TNFRSF19: variants seen among roughly 807,000 people sequenced by gnomAD.
TNFRSF19 encodes the protein TNF receptor superfamily member 19.
Under a neutral mutation model 46.4 loss-of-function variants are expected in TNFRSF19, and 27 were observed. The ratio of observed to expected loss-of-function variants is 0.58; its 90% CI spans 0.43 to 0.80. The LOEUF (loss-of-function observed/expected upper bound fraction) is 0.80, where lower values mean the gene tolerates loss of function less well. TNFRSF19 is among the 30% of genes least tolerant of loss of function. TNFRSF19 has a pLI of 0.00. For synonymous variants in TNFRSF19, 204 were observed against 205.0 expected (o/e 1.00, Z 0.04); for missense variants, 511 against 530.8 (o/e 0.96, Z 0.37).
chr13:23,664,973 T>TA (rs1309916799), intron 7 of TNFRSF19, among the ~76,000 whole-genome samples: 1 of 152,270 alleles, frequency 6.6e-6, no homozygotes, highest in Admixed American at 6.5e-5. Context: ...AAAATATTGC[T>TA]ATGCAGCATA....
At chr13:23,657,843 G>A (rs1369632457) in intron 5 of TNFRSF19, among the ~76,000 whole-genome samples, 2 of 152,028 alleles carry the variant, frequency 1.3e-5, no homozygotes, top group Non-Finnish European at 2.9e-5. Context: ...ATGAGCCACC[G>A]CACCTTGCCT....
chr13:23,651,840 CTTTTTTTTTT>C (rs71070609), intron 5 of TNFRSF19, among the ~76,000 whole-genome samples: 1 of 35,994 alleles, frequency 2.8e-5, no homozygotes, highest in Non-Finnish European at 4.7e-5. Context: ...ACACTATAGT[CTTTTTTTTTT>C]TTTTTTTTTT....
intron 7 of TNFRSF19, among the ~76,000 whole-genome samples, chr13:23,661,656 C>T (rs1185995367): frequency 6.6e-6 from 1 of 152,236 alleles, no homozygotes; most frequent in Non-Finnish European, 1.5e-5. Context: ...TACACTTCCA[C>T]CAACAGTGTG....
At chr13:23,615,334 A>G (rs1439221668) in intron 3 of TNFRSF19, among the ~76,000 whole-genome samples, 3 of 152,238 alleles carry the variant, frequency 2.0e-5, no homozygotes, top group African/African-American at 4.8e-5. Flanking sequence ...ACAAATATGT[A>G]AGACTCTTTC....
At chr13:23,616,731 C>T (rs913911468) in intron 4 of TNFRSF19, among the ~76,000 whole-genome samples, 2 of 151,832 alleles carry the variant, frequency 1.3e-5, no homozygotes, top group Admixed American at 6.6e-5. Context: ...TACAGGCATG[C>T]GCCACCACGC....
chr13:23,665,622 G>T (rs1268013411), intron 7 of TNFRSF19, among the ~76,000 whole-genome samples: 3 of 151,542 alleles, frequency 2.0e-5, no homozygotes, highest in Non-Finnish European at 4.4e-5. Context: ...CCTCTCTCTC[G>T]TGTGTGTGTA....
chr13:23,594,438 T>C (rs957895605), intron 3 of TNFRSF19: 5 of 293,724 alleles, frequency 1.7e-5, no homozygotes, highest in Non-Finnish European at 3.5e-5. Context: ...CTGCCATTAC[T>C]GAGGATTGAG....
chr13:23,612,462 A>G (rs1880973011), intron 3 of TNFRSF19, among the ~76,000 whole-genome samples: 1 of 152,214 alleles, frequency 6.6e-6, no homozygotes, highest in Non-Finnish European at 1.5e-5. Context: ...CAGTCAACTC[A>G]AAAAGCAGTT....
intron 3 of TNFRSF19, among the ~76,000 whole-genome samples, chr13:23,608,744 T>C (rs1171994769): frequency 6.6e-6 from 1 of 152,224 alleles, no homozygotes; most frequent in Non-Finnish European, 1.5e-5. Context: ...CTGGCTATTG[T>C]ATTGGACAGT....
intron 5 of TNFRSF19, among the ~76,000 whole-genome samples, chr13:23,630,818 G>A (rs190701392): frequency 6.6e-6 from 1 of 152,238 alleles, no homozygotes; most frequent in African/African-American, 2.4e-5. Flanking sequence ...AACAAATACT[G>A]TGGTTGGAAC....
At chr13:23,657,485 C>T (rs910622574) in intron 5 of TNFRSF19, among the ~76,000 whole-genome samples, 1 of 152,204 alleles carries the variant, frequency 6.6e-6, no homozygotes, top group Non-Finnish European at 1.5e-5. Flanking sequence ...CCACATGTGG[C>T]TACTGAGCAT....
At chr13:23,592,413 A>T (rs560493822) in intron 2 of TNFRSF19, among the ~76,000 whole-genome samples, 113 of 152,370 alleles carry the variant, frequency 7.4e-4, no homozygotes, top group African/African-American at 2.7e-3. Flanking sequence ...GCAGATAAAC[A>T]TACTTTTCTA....
At chr13:23,666,769 T>C (rs557739201) in intron 7 of TNFRSF19, among the ~76,000 whole-genome samples, 1 of 152,296 alleles carries the variant, frequency 6.6e-6, no homozygotes, top group African/African-American at 2.4e-5. Context: ...GTCAGAGCAC[T>C]GTATGTTTAG....
intron 3 of TNFRSF19, among the ~76,000 whole-genome samples, chr13:23,597,310 G>A (rs1566173758): frequency 6.6e-6 from 1 of 151,604 alleles, no homozygotes; most frequent in African/African-American, 2.4e-5. Flanking sequence ...TCCAGGAGCT[G>A]TTTTTTTTAA....
chr13:23,606,479 G>C (rs1880522088), intron 3 of TNFRSF19, among the ~76,000 whole-genome samples: 1 of 152,162 alleles, frequency 6.6e-6, no homozygotes, highest in South Asian at 2.1e-4. Flanking sequence ...GTTACCACAT[G>C]CCTGCCCTGA....
chr13:23,583,029 T>C (rs1394005900), intron 1 of TNFRSF19, among the ~76,000 whole-genome samples: 1 of 152,242 alleles, frequency 6.6e-6, no homozygotes, highest in African/African-American at 2.4e-5. Flanking sequence ...TGAACATTCA[T>C]GTGCAACTTT....
intron 4 of TNFRSF19, among the ~76,000 whole-genome samples, chr13:23,623,914 C>T (rs1272725091): frequency 6.6e-6 from 1 of 152,022 alleles, no homozygotes; most frequent in Non-Finnish European, 1.5e-5. Context: ...TATTTTCTTC[C>T]ATTCCATAGG....
intron 3 of TNFRSF19, among the ~76,000 whole-genome samples, chr13:23,610,369 A>G (rs1880810253): frequency 6.6e-6 from 1 of 152,178 alleles, no homozygotes; most frequent in Non-Finnish European, 1.5e-5. Context: ...CTACTGGAAA[A>G]CCACCAAATG....
intron 5 of TNFRSF19, among the ~76,000 whole-genome samples, chr13:23,658,561 T>G (rs1365466824): frequency 6.6e-6 from 1 of 152,238 alleles, no homozygotes; most frequent in East Asian, 1.9e-4. Flanking sequence ...TCTCAAAAAC[T>G]GGGGTCTACT....
Sources: allele counts gnomAD v4.1 joint callset (sites outside exome capture counted in the v4.1 genomes callset), GRCh38; gene constraint gnomAD v4.1.1; transcripts MANE v1.5; gene names NCBI Gene and HGNC (gene_info 2026-07-23, HGNC 2026-07-21).